Variants in CABYR observed in about 807,000 individuals in gnomAD.
CABYR encodes the protein calcium binding tyrosine phosphorylation regulated.
In CABYR, 31 loss-of-function variants were observed where a neutral mutation model predicts 36.1. The ratio of observed to expected loss-of-function variants is 0.86; its 90% confidence interval spans 0.64 to 1.16. CABYR has a LOEUF of 1.16. Among genes scored for constraint, CABYR ranks in the 50% most tolerant of loss-of-function variants. The probability of loss-of-function intolerance (pLI) is 0.00; values close to 1 mark genes in which losing one functional copy is unlikely to be tolerated. For synonymous variants in CABYR, 146 were observed against 160.7 expected (o/e 0.91, Z 0.69); for missense variants, 429 against 455.8 (o/e 0.94, Z 0.53).
chr18:24,156,297 G>A lies in CABYR; in HGVS notation c.541+255G>A, dbSNP rs1459839248. 2 of 1,614,174 alleles carry A rather than the reference G, an allele frequency of 1.2e-6. No individual in the cohort carries two copies. The highest frequency in any genetic ancestry group is 3.3e-5 in the Admixed American group (2 of 59,996). ...AACGGCTTCCTCAGTCCCCTTGCAG[G>A]ATGAACAAGAACCTCCTGCTTATGA... On this transcript the variant is annotated intron_variant, in intron 4 of 5. Coordinates refer to ENST00000399496, the MANE Select transcript of CABYR (RefSeq NM_153769.3).
chr18:24,141,943 CTGATTAATGTTAAAA>C (rs2085331823), intron 1 of CABYR, among the ~76,000 whole-genome samples: 1 of 152,126 alleles, frequency 6.6e-6, no homozygotes, highest in African/African-American at 2.4e-5. Flanking sequence ...TATACTCACA[CTGATTAATGTTAAAA>C]ACAAAGTTAT....
chr18:24,143,344 G>A lies in CABYR; in HGVS notation c.146-16G>A. 1 of 1,594,048 alleles carries A rather than the reference G, an allele frequency of 6.3e-7. No homozygotes were observed. The highest frequency in any genetic ancestry group is 8.6e-7 in the Non-Finnish European group (1 of 1,167,818). The stretch of plus-strand genomic sequence containing the variant: ...TTCATGTATCTGTATTTGATTTCCT[G>A]TATTGATTCCTTCAGGGAATACTAC... On this transcript the variant is annotated splice_polypyrimidine_tract_variant and intron_variant, in intron 2 of 5. Transcript: ENST00000399496.
chr18:24,154,643 C>A (rs1307328413), intron 3 of CABYR, among the ~76,000 whole-genome samples: 1 of 152,190 alleles, frequency 6.6e-6, no homozygotes, highest in Admixed American at 6.5e-5. Context: ...TCTTATGAAG[C>A]AAATTCTGCT....
chr18:24,140,651 T>C (rs2085294844), intron 1 of CABYR, among the ~76,000 whole-genome samples: 1 of 152,162 alleles, frequency 6.6e-6, no homozygotes, highest in Non-Finnish European at 1.5e-5. Flanking sequence ...TTTATTCATT[T>C]TTTATACCCA....
At chr18:24,156,313 C>T in intron 4 of CABYR, 1 of 1,614,198 alleles carries the variant, frequency 6.2e-7, no homozygotes, top group Non-Finnish European at 8.5e-7. Flanking sequence ...CAAGAACCTC[C>T]TGCTTATGAT....
chr18:24,156,126 G>A, intron 4 of CABYR, 84 bp downstream of exon 4: 1 of 1,614,186 alleles, frequency 6.2e-7, no homozygotes, highest in Non-Finnish European at 8.5e-7. Flanking sequence ...TATCAAGGAG[G>A]TGCCAAGCTC....
chr18:24,150,529 C>T, intron 3 of CABYR: 2 of 941,932 alleles, frequency 2.1e-6, no homozygotes, highest in South Asian at 4.9e-5. Context: ...TCTTATTCCT[C>T]TTTGATAGAT....
chr18:24,153,274 C>T (rs1407108799), intron 3 of CABYR, among the ~76,000 whole-genome samples: 1 of 151,776 alleles, frequency 6.6e-6, no homozygotes, highest in Non-Finnish European at 1.5e-5. Context: ...GTGTTCCTGC[C>T]CTCCGTCATG....
chr18:24,147,330 C>A (rs2085485352), intron 3 of CABYR, among the ~76,000 whole-genome samples: 1 of 149,034 alleles, frequency 6.7e-6, no homozygotes, highest in Admixed American at 6.7e-5. Flanking sequence ...TGGGTACACA[C>A]ACAAAAACTT....
intron 1 of CABYR, 52 bp from the exon 2 acceptor site, chr18:24,143,039 A>AAAAAC: frequency 7.6e-7 from 1 of 1,314,318 alleles, no homozygotes; most frequent in Non-Finnish European, 1.0e-6. Flanking sequence ...AAAAAAAAAA[A>AAAAAC]AAACCTATTT....
At chr18:24,155,026 GC>G (rs2145877928) in intron 3 of CABYR, among the ~76,000 whole-genome samples, 1 of 152,300 alleles carries the variant, frequency 6.6e-6, no homozygotes, top group Non-Finnish European at 1.5e-5. Context: ...TAGTCCTCTA[GC>G]TTATCAATTC....
At chr18:24,149,974 G>A (rs897664789) in intron 3 of CABYR, among the ~76,000 whole-genome samples, 3 of 152,268 alleles carry the variant, frequency 2.0e-5, no homozygotes, top group Admixed American at 6.5e-5. Context: ...GCCGGCTCTG[G>A]CCTTGGCCAG....
intron 3 of CABYR, among the ~76,000 whole-genome samples, chr18:24,154,932 T>G (rs1190540682): frequency 1.3e-5 from 2 of 152,218 alleles, no homozygotes; most frequent in African/African-American, 2.4e-5. Flanking sequence ...CAGTCTGACT[T>G]TGGCTGCATG....
intron 5 of CABYR, chr18:24,160,838 G>T (rs1488482363): frequency 6.6e-6 from 1 of 152,398 alleles, no homozygotes; most frequent in African/African-American, 2.4e-5. Flanking sequence ...ACCTGAGTAT[G>T]AGAAGAAGCC....
At chr18:24,146,349 A>T (rs1026885134) in intron 3 of CABYR, among the ~76,000 whole-genome samples, 1 of 152,206 alleles carries the variant, frequency 6.6e-6, no homozygotes, top group African/African-American at 2.4e-5. Context: ...GACAACAACC[A>T]AATTAAGGCA....
chr18:24,153,387 C>CCAT (rs2085688330), intron 3 of CABYR, among the ~76,000 whole-genome samples: 1 of 152,194 alleles, frequency 6.6e-6, no homozygotes. Context: ...AGCCCTGCCT[C>CCAT]CATCTTTCAT....
In CABYR at chr18:24,143,333, T is replaced by C. The variant is rs912584704; in HGVS notation, c.146-27T>C. 6 of 1,595,428 alleles carry C rather than the reference T, an allele frequency of 3.8e-6. No individual in the cohort carries two copies. The African/African-American group carries it at 4.0e-5, about 11-fold the overall frequency. ...AAGTTAGGAATTTCATGTATCTGTATTTGATTTCCTGTATTGATTCCTTCA... is the reference window on the plus strand; with the variant it reads ...AAGTTAGGAATTTCATGTATCTGTACTTGATTTCCTGTATTGATTCCTTCA... On this transcript the variant is annotated intron_variant, in intron 2 of 5. Coordinates refer to ENST00000399496, the MANE Select transcript of CABYR (RefSeq NM_153769.3).
At chr18:24,152,441 T>C (rs113093947) in intron 3 of CABYR, among the ~76,000 whole-genome samples, 92 of 152,312 alleles carry the variant, frequency 6.0e-4, no homozygotes, top group African/African-American at 2.1e-3. Flanking sequence ...GTTTTCTCAT[T>C]AACTTTTTTA....
chr18:24,157,095 C>CTTTATTTTCAATAGACTTTT, intron 4 of CABYR: 2 of 879,874 alleles, frequency 2.3e-6, no homozygotes, highest in Non-Finnish European at 3.5e-6. Context: ...ATTGGTCAGT[C>CTTTATTTTCAATAGACTTTT]TTTATTTTCA....
Sources: gnomAD v4.1 joint callset for allele counts (sites outside exome capture counted in the v4.1 genomes callset) on GRCh38, gnomAD v4.1.1 for gene constraint, MANE v1.5 for transcripts, NCBI Gene and HGNC (gene_info 2026-07-23, HGNC 2026-07-21) for gene names.